The following FAF1 variants were observed in gnomAD, a reference collection of about 807,000 sequenced individuals.
FAF1 encodes the protein FAS-associated factor 1.
FAF1 carries 25 observed loss-of-function variants against 92.5 expected under a neutral mutation model. The observed-to-expected ratio is 0.27, with a 90% CI of 0.20 to 0.38. The LOEUF is 0.38. FAF1 is among the 10% of genes least tolerant of loss of function. FAF1 has a pLI of 1.00. For synonymous variants in FAF1, 234 were observed against 273.2 expected, an observed-to-expected ratio of 0.86 and a Z score of 1.42; for missense variants, 636 against 793.3, an observed-to-expected ratio of 0.80 and a Z score of 2.38.
At chr1:50,573,691 C>CA (rs1367118501) in intron 12 of FAF1, among the ~76,000 whole-genome samples, 4 of 151,900 alleles carry the variant, frequency 2.6e-5, no homozygotes, top group African/African-American at 9.7e-5. Flanking sequence ...GAGGAGATGC[C>CA]AGGATGGTGT....
At chr1:50,577,361 C>T (rs1258650451) in intron 12 of FAF1, among the ~76,000 whole-genome samples, 1 of 152,082 alleles carries the variant, frequency 6.6e-6, no homozygotes, top group Non-Finnish European at 1.5e-5. Flanking sequence ...CCCGTCTGTA[C>T]TAAAAACACA....
chr1:50,511,436 C>T (rs1647132906), intron 15 of FAF1, among the ~76,000 whole-genome samples: 1 of 151,956 alleles, frequency 6.6e-6, no homozygotes. Flanking sequence ...TGTGATATTC[C>T]CCTCCCTGTG....
At chr1:50,810,777 G>A (rs1408490414) in intron 2 of FAF1, among the ~76,000 whole-genome samples, 2 of 152,104 alleles carry the variant, frequency 1.3e-5, no homozygotes, top group Admixed American at 6.5e-5. Context: ...GGCCAGGCAC[G>A]GTGATTCACA....
Position 50,947,448 on chromosome 1 carries a change from G to A in FAF1, c.45+12319C>T, listed in dbSNP as rs929591928. ...CCCCATAACCACAAGTAAATATAAA[G>A]CCAGGTGTAATTATTCTGTTAATTT... On this transcript the variant is annotated intron_variant, in intron 1 of 18. Coordinates refer to ENST00000396153, the MANE Select transcript of FAF1 (RefSeq NM_007051.3). 2.6e-5 allele frequency among the ~76,000 whole-genome samples: 4 copies of A among 152,142 alleles called. No homozygotes were observed. The South Asian group carries it at 8.3e-4, about 32-fold the overall frequency.
intron 4 of FAF1, among the ~76,000 whole-genome samples, chr1:50,778,006 T>C (rs1475442473): frequency 2.0e-5 from 3 of 152,202 alleles, no homozygotes; most frequent in Non-Finnish European, 4.4e-5. Flanking sequence ...TGTACAAGAA[T>C]GTTCACAGCA....
chr1:50,497,888 A>G (rs1378735373), intron 15 of FAF1, among the ~76,000 whole-genome samples: 1 of 152,000 alleles, frequency 6.6e-6, no homozygotes, highest in East Asian at 1.9e-4. Context: ...TCTCAATGCC[A>G]TTTTTTACAG....
intron 13 of FAF1, among the ~76,000 whole-genome samples, chr1:50,556,702 T>C (rs1169723541): frequency 6.6e-6 from 1 of 151,950 alleles, no homozygotes; most frequent in East Asian, 1.9e-4. Context: ...CTGGATGTAG[T>C]GGTGTGCACC....
At chr1:50,749,743 G>A (rs907960365) in intron 4 of FAF1, among the ~76,000 whole-genome samples, 4 of 151,418 alleles carry the variant, frequency 2.6e-5, no homozygotes, top group South Asian at 2.1e-4. Context: ...AGCCATGATC[G>A]TTGCCACTGC....
At chr1:50,554,390 T>TATATAGAGAGAGAG in intron 13 of FAF1, among the ~76,000 whole-genome samples, 11 of 93,674 alleles carry the variant, frequency 1.2e-4, no homozygotes, top group African/African-American at 3.8e-4. Context: ...TATATATATA[T>TATATAGAGAGAGAG]AGAGAGAGAG....
chr1:50,506,379 A>G (rs1289662798), intron 15 of FAF1, among the ~76,000 whole-genome samples: 1 of 152,078 alleles, frequency 6.6e-6, no homozygotes, highest in East Asian at 1.9e-4. Flanking sequence ...ATTCTCACAG[A>G]CTAGACTTTT....
intron 6 of FAF1, chr1:50,715,047 A>G: frequency 2.4e-6 from 1 of 418,998 alleles, no homozygotes; most frequent in Non-Finnish European, 4.7e-6. Context: ...TGCATTATCA[A>G]CAAGGACACA....
rs1305158358 is a variant in FAF1 at position 50,960,005 on chromosome 1, C to G, written c.-194G>C. On this transcript the variant is annotated 5_prime_UTR_variant, in exon 1 of 19. Transcript: ENST00000396153. ...CGCTAGGCGCTCATGCACTCGGTAA[C>G]CTTCAGGCGCCCCGGCCGCCCGCCT... 5.1e-6 allele frequency: 2 copies of G among 394,488 alleles called. No individual in the cohort carries two copies. Among genetic ancestry groups the G allele is most frequent in the Non-Finnish European group, 8.9e-6 (2 of 224,174 alleles). 24.4% of individuals were successfully genotyped at this position (394,488 alleles called of 1,614,324 possible).
At chr1:50,536,460 A>T (rs1648487483) in intron 14 of FAF1, among the ~76,000 whole-genome samples, 1 of 152,240 alleles carries the variant, frequency 6.6e-6, no homozygotes, top group African/African-American at 2.4e-5. Context: ...AGGACAATAA[A>T]GACCAAACAT....
intron 18 of FAF1, among the ~76,000 whole-genome samples, chr1:50,467,483 T>C (rs1646512161): frequency 2.0e-5 from 3 of 151,982 alleles, no homozygotes; most frequent in Admixed American, 2.0e-4. Context: ...CTGGCTAATT[T>C]TTTGTATTTT....
chr1:50,592,576 A>G (rs1016127627), intron 9 of FAF1, among the ~76,000 whole-genome samples: 8 of 152,222 alleles, frequency 5.3e-5, no homozygotes, highest in African/African-American at 1.9e-4. Flanking sequence ...TACAATCCAT[A>G]AAGTCTAAAA....
At chr1:50,708,552 A>G (rs1301985310) in intron 6 of FAF1, among the ~76,000 whole-genome samples, 1 of 152,108 alleles carries the variant, frequency 6.6e-6, no homozygotes, top group Non-Finnish European at 1.5e-5. Context: ...AGAGTTGAAT[A>G]TAAGACTCAA....
intron 8 of FAF1, among the ~76,000 whole-genome samples, chr1:50,627,822 T>A (rs1303258481): frequency 6.8e-6 from 1 of 146,172 alleles, no homozygotes; most frequent in African/African-American, 2.6e-5. Context: ...TCCTAATTGT[T>A]TTCAACAAAA....
In FAF1 at chr1:50,738,880, T is replaced by C; in HGVS notation, c.534A>G (p.Ser178=). The change falls in exon 6 of 19, where the codon TCA becomes TCG. Residue 178 remains serine (S), a synonymous_variant. Transcript: ENST00000396153. The part of the protein sequence containing the change: ...YVLTPDLPPP[S]SSSHAGALQE... ...CAACTTACCCAGCATGACTAGATGA[T>C]GAAGGTGGTGGCAAATCTGGTGTAA... 1 of 1,607,272 alleles carries C rather than the reference T, an allele frequency of 6.2e-7. No homozygotes were observed. The highest frequency in any genetic ancestry group is 8.5e-7 in the Non-Finnish European group (1 of 1,175,200).
At chr1:50,889,906 T>C (rs927549706) in intron 1 of FAF1, among the ~76,000 whole-genome samples, 1 of 152,208 alleles carries the variant, frequency 6.6e-6, no homozygotes, top group Non-Finnish European at 1.5e-5. Flanking sequence ...CTGAGTTCTA[T>C]TCCTGAATAT....
Sources: gnomAD v4.1 joint callset for allele counts (sites outside exome capture counted in the v4.1 genomes callset) on GRCh38, gnomAD v4.1.1 for gene constraint, MANE v1.5 for transcripts, NCBI Gene and HGNC (gene_info 2026-07-23, HGNC 2026-07-21) for gene names.